Variants in CACNA2D3 observed in about 807,000 individuals in gnomAD.
CACNA2D3 encodes the protein calcium voltage-gated channel auxiliary subunit alpha2delta 3, also known as voltage-dependent calcium channel subunit alpha-2/delta-3.
CACNA2D3 carries 60 observed loss-of-function variants against 160.6 expected under a neutral mutation model. That is an observed-to-expected ratio of 0.37 (90% CI 0.30 to 0.46). CACNA2D3 has a LOEUF of 0.46. Among genes scored for constraint, CACNA2D3 ranks in the 20% least tolerant of loss-of-function variants. The pLI is 1.00. For missense variants in CACNA2D3, 1,205 were observed against 1,365.0 expected (o/e 0.88, Z 1.85); for synonymous variants, 558 against 492.9 (o/e 1.13, Z -1.75).
intron 2 of CACNA2D3, among the ~76,000 whole-genome samples, chr3:54,267,454 TC>T (rs1052825560): frequency 3.9e-5 from 6 of 152,178 alleles, no homozygotes; most frequent in Non-Finnish European, 8.8e-5. Context: ...GATTCTCTCT[TC>T]CAGTCACTGA....
intron 18 of CACNA2D3, among the ~76,000 whole-genome samples, chr3:54,872,520 A>G (rs7612943): frequency 0.13 from 19,017 of 151,984 alleles, 2,086 homozygotes; most frequent in African/African-American, 0.3. Flanking sequence ...CTGCTCTCCA[A>G]AGGGATGTTG....
intron 11 of CACNA2D3, among the ~76,000 whole-genome samples, chr3:54,736,042 T>C (rs1363080259): frequency 2.8e-3 from 134 of 47,602 alleles, no homozygotes; most frequent in Middle Eastern, 0.013. Context: ...TATGTATATA[T>C]ATACACATAC....
At position 54,502,654 on chromosome 3, in the gene CACNA2D3, T is replaced by G. The variant is rs1354094096; in HGVS notation, c.382-838T>G. Among the ~76,000 whole-genome samples the G allele has an allele frequency of 2.0e-5, 3 of 152,256 alleles. No individual in the cohort carries two copies. In the East Asian group the frequency reaches 5.8e-4, roughly 29 times the overall value. On this transcript the variant is annotated intron_variant, in intron 4 of 37. Coordinates refer to ENST00000474759, the MANE Select transcript of CACNA2D3 (RefSeq NM_018398.3). Reference sequence around the variant, plus strand: ...GATTTAAGGACAGACTCAAGATAGATGGCCTGTATTTGAATTCTGGCTTTC... The same window carrying G: ...GATTTAAGGACAGACTCAAGATAGAGGGCCTGTATTTGAATTCTGGCTTTC...
chr3:54,427,827 T>G (rs1386527293), intron 4 of CACNA2D3, among the ~76,000 whole-genome samples: 1 of 152,112 alleles, frequency 6.6e-6, no homozygotes, highest in African/African-American at 2.4e-5. Context: ...GGACCAGAAA[T>G]CCAGCTGCCT....
intron 27 of CACNA2D3, among the ~76,000 whole-genome samples, chr3:54,911,409 G>C (rs193159809): frequency 2.6e-5 from 3 of 117,270 alleles, no homozygotes; most frequent in Non-Finnish European, 1.6e-5. Context: ...CCCCAGACTG[G>C]TCTTGAACTC....
At chr3:54,262,291 C>T (rs538798190) in intron 2 of CACNA2D3, among the ~76,000 whole-genome samples, 12 of 152,032 alleles carry the variant, frequency 7.9e-5, no homozygotes, top group Admixed American at 3.3e-4. Context: ...TCTCCAAGGT[C>T]GTGATGTGAG....
intron 9 of CACNA2D3, among the ~76,000 whole-genome samples, chr3:54,603,958 C>A (rs1703112469): frequency 6.6e-6 from 1 of 151,966 alleles, no homozygotes; most frequent in Admixed American, 6.6e-5. Context: ...CCTGAAATAT[C>A]CTACTGTATT....
intron 2 of CACNA2D3, among the ~76,000 whole-genome samples, chr3:54,224,564 C>T (rs529621334): frequency 6.6e-6 from 1 of 152,254 alleles, no homozygotes; most frequent in Admixed American, 6.5e-5. Flanking sequence ...TATGAGACCA[C>T]CGTCGTATAT....
At chr3:55,033,582 G>GTATATATATATATATA (rs755336238) in intron 35 of CACNA2D3, among the ~76,000 whole-genome samples, 2 of 119,578 alleles carry the variant, frequency 1.7e-5, no homozygotes, top group African/African-American at 3.3e-5. Flanking sequence ...TTATGTGTGT[G>GTATATATATATATATA]TGTATATATA....
intron 10 of CACNA2D3, among the ~76,000 whole-genome samples, chr3:54,634,909 C>T (rs1477701256): frequency 6.6e-6 from 1 of 152,028 alleles, no homozygotes; most frequent in East Asian, 1.9e-4. Flanking sequence ...GATGCAATGG[C>T]TTGGCTTGGG....
intron 2 of CACNA2D3, among the ~76,000 whole-genome samples, chr3:54,262,256 A>G (rs570859853): frequency 3.3e-5 from 5 of 152,276 alleles, no homozygotes; most frequent in Non-Finnish European, 4.4e-5. Flanking sequence ...GTGGTAGGAC[A>G]GGGCAAGGAA....
intron 5 of CACNA2D3, among the ~76,000 whole-genome samples, chr3:54,510,027 T>C (rs1226328363): frequency 6.6e-6 from 1 of 152,222 alleles, no homozygotes; most frequent in Non-Finnish European, 1.5e-5. Context: ...GTCCTATGCT[T>C]AGGCTTATGT....
intron 11 of CACNA2D3, among the ~76,000 whole-genome samples, chr3:54,717,858 G>A (rs1056949929): frequency 6.8e-6 from 1 of 147,328 alleles, no homozygotes; most frequent in South Asian, 2.2e-4. Flanking sequence ...TGTGGTGTAT[G>A]TGCGTGCGTG....
chr3:54,207,222 G>A (rs887590293), intron 2 of CACNA2D3, among the ~76,000 whole-genome samples: 1 of 140,956 alleles, frequency 7.1e-6, no homozygotes. Flanking sequence ...CTAATTGTAT[G>A]CATGGCAACA....
At chr3:55,031,604 C>T (rs540828920) in intron 35 of CACNA2D3, among the ~76,000 whole-genome samples, 13 of 152,166 alleles carry the variant, frequency 8.5e-5, no homozygotes, top group East Asian at 7.7e-4. Flanking sequence ...CTTTAGTAAC[C>T]GCCCACCTTT....
intron 27 of CACNA2D3, among the ~76,000 whole-genome samples, chr3:54,908,435 G>A (rs965745520): frequency 6.6e-6 from 1 of 152,150 alleles, no homozygotes; most frequent in African/African-American, 2.4e-5. Flanking sequence ...ACCTTGTCAG[G>A]CCGGGTGTGG....
At chr3:54,547,942 C>T (rs780485164) in intron 5 of CACNA2D3, among the ~76,000 whole-genome samples, 3 of 152,180 alleles carry the variant, frequency 2.0e-5, no homozygotes, top group Admixed American at 6.5e-5. Context: ...GATCCTCCTG[C>T]CTTGACCTTC....
At chr3:54,338,906 C>G (rs1704455210) in intron 3 of CACNA2D3, among the ~76,000 whole-genome samples, 1 of 152,142 alleles carries the variant, frequency 6.6e-6, no homozygotes, top group Non-Finnish European at 1.5e-5. Context: ...ATTGTGTAGC[C>G]ACAGCAGCTA....
intron 2 of CACNA2D3, among the ~76,000 whole-genome samples, chr3:54,231,074 C>T (rs1237480740): frequency 6.6e-6 from 1 of 152,174 alleles, no homozygotes; most frequent in African/African-American, 2.4e-5. Context: ...AATATCCCCT[C>T]TGCTAACATG....
Sources: allele counts gnomAD v4.1 joint callset (sites outside exome capture counted in the v4.1 genomes callset), GRCh38; gene constraint gnomAD v4.1.1; transcripts MANE v1.5; gene names NCBI Gene and HGNC (gene_info 2026-07-23, HGNC 2026-07-21).